Variants in SLC5A3 observed in about 807,000 individuals in gnomAD.
The protein encoded by SLC5A3 is sodium/myo-inositol cotransporter.
Under a neutral mutation model 43.2 loss-of-function variants are expected in SLC5A3, and 10 were observed. That is an observed-to-expected ratio of 0.23 (90% CI 0.14 to 0.39). The LOEUF is 0.39. Among genes scored for constraint, SLC5A3 ranks in the 10% least tolerant of loss-of-function variants. The pLI, the probability that SLC5A3 is intolerant of heterozygous loss-of-function variation, is 1.00. For synonymous variants in SLC5A3, 349 were observed against 322.0 expected, an observed-to-expected ratio of 1.08 and a Z score of -0.90; for missense variants, 608 against 893.4, an observed-to-expected ratio of 0.68 and a Z score of 4.07.
chr21:34,089,671 C>G (rs1978580378), intron 1 of SLC5A3, among the ~76,000 whole-genome samples: 1 of 152,012 alleles, frequency 6.6e-6, no homozygotes, highest in Admixed American at 6.6e-5. Flanking sequence ...CACTCCTGTC[C>G]CGGGAGAAAC....
In SLC5A3 at chr21:34,097,717, A is replaced by C; in HGVS notation, c.*362A>C. The C allele has an allele frequency of 9.9e-7, 1 of 1,011,074 alleles. No homozygotes were observed. 62.6% of individuals were successfully genotyped at this position (1,011,074 alleles called of 1,614,324 possible). A position where few individuals can be genotyped will look rare whatever the true frequency, so the allele number is the denominator to read the frequency against. On this transcript the variant is annotated 3_prime_UTR_variant, in exon 2 of 2. Transcript: ENST00000381151. ...CCAAGTCTTGGCAGACCTTACCCTGAAGTAGAAGATTTGCTCATTTCTAAA... is the reference window on the plus strand; with the variant it reads ...CCAAGTCTTGGCAGACCTTACCCTGCAGTAGAAGATTTGCTCATTTCTAAA...
At position 34,101,613 on chromosome 21, in the gene SLC5A3, C is replaced by T; in HGVS notation, c.*4258C>T. The T allele has an allele frequency of 1.0e-6, 1 of 1,000,144 alleles. No homozygotes were observed. The highest frequency in any genetic ancestry group is 1.2e-6 in the Non-Finnish European group (1 of 829,934). 62.0% of individuals were successfully genotyped at this position (1,000,144 alleles called of 1,614,324 possible). On this transcript the variant is annotated 3_prime_UTR_variant, in exon 2 of 2. Transcript: ENST00000381151. ...TCAGTTCTACACCTAGTCTTTTCAG[C>T]ACTTAGCAAATTCAAATTTTGATTT...
chr21:34,092,565 G>A lies in SLC5A3; in HGVS notation c.-336-2298G>A, dbSNP rs1480774025. ...GTTAGGGCTAGCATGAGAACTTCAT[G>A]CAGTTTGAGCATTCATCAGGCAGCA... is the stretch of plus-strand genomic sequence containing the variant. On this transcript the variant is annotated intron_variant, in intron 1 of 1. Coordinates refer to ENST00000381151, the MANE Select transcript of SLC5A3 (RefSeq NM_006933.7). Among the ~76,000 whole-genome samples, 3 of 152,196 alleles carry A rather than the reference G, an allele frequency of 2.0e-5. No individual in the cohort carries two copies. In the East Asian group the frequency reaches 5.8e-4, roughly 29 times the overall value.
chr21:34,095,354 T>G lies in SLC5A3; in HGVS notation c.156T>G (p.Gly52=). The G allele has an allele frequency of 6.2e-7, 1 of 1,614,136 alleles. No individual in the cohort carries two copies. The highest frequency in any genetic ancestry group is 8.5e-7 in the Non-Finnish European group (1 of 1,179,986). ...GCTCTATGACCTGGGTAGCAATTGGTGCCTCTCTGTTTGTGAGCAATATTG... is the reference window on the plus strand; with the variant it reads ...GCTCTATGACCTGGGTAGCAATTGGGGCCTCTCTGTTTGTGAGCAATATTG... ...AGRSMTWVAI[G]ASLFVSNIGS... Residue 52 remains glycine (G), a synonymous_variant, in exon 2 of 2, where the codon GGT becomes GGG. Coordinates refer to ENST00000381151, the MANE Select transcript of SLC5A3 (RefSeq NM_006933.7).
intron 1 of SLC5A3, among the ~76,000 whole-genome samples, chr21:34,083,963 C>G (rs1032104804): frequency 4.6e-5 from 7 of 152,288 alleles, no homozygotes; most frequent in African/African-American, 1.7e-4. Context: ...ATTTTTCTAT[C>G]CCTCTACTTG....
intron 1 of SLC5A3, among the ~76,000 whole-genome samples, chr21:34,078,534 T>A (rs1989386668): frequency 6.6e-6 from 1 of 152,170 alleles, no homozygotes; most frequent in South Asian, 2.1e-4. Flanking sequence ...TTCTAGATTT[T>A]AAAAATCTAG....
intron 1 of SLC5A3, among the ~76,000 whole-genome samples, chr21:34,080,008 A>G (rs1989423875): frequency 6.6e-6 from 1 of 152,262 alleles, no homozygotes; most frequent in South Asian, 2.1e-4. Context: ...TCTCAATGCC[A>G]TATAGTCTTC....
intron 1 of SLC5A3, among the ~76,000 whole-genome samples, chr21:34,077,283 T>C (rs1018548839): frequency 4.6e-5 from 7 of 152,234 alleles, no homozygotes; most frequent in African/African-American, 1.7e-4. Flanking sequence ...AATGAAACTT[T>C]GTAGACACTT....
In SLC5A3 at chr21:34,097,734, A is replaced by G; in HGVS notation, c.*379A>G. 9.9e-7 allele frequency: 1 copy of G among 1,006,720 alleles called. No homozygotes were observed. The highest frequency in any genetic ancestry group is 1.2e-6 in the Non-Finnish European group (1 of 834,534). 62.4% of individuals were successfully genotyped at this position (1,006,720 alleles called of 1,614,324 possible). Reference sequence around the variant, plus strand: ...TTACCCTGAAGTAGAAGATTTGCTCATTTCTAAATTTTTTTTTCTGTCTCT... The same window carrying G: ...TTACCCTGAAGTAGAAGATTTGCTCGTTTCTAAATTTTTTTTTCTGTCTCT... On this transcript the variant is annotated 3_prime_UTR_variant, in exon 2 of 2. Transcript: ENST00000381151.
rs1989241291 is a variant in SLC5A3 at position 34,073,619 on chromosome 21, G to T, written c.-463G>T. On this transcript the variant is annotated 5_prime_UTR_variant, in exon 1 of 2. Coordinates refer to ENST00000381151, the MANE Select transcript of SLC5A3 (RefSeq NM_006933.7). ...AGCCGTCCGGCGCAGCAGTTTCTAG[G>T]TCCCCACTGTCCCCGCCGTCCCGCC... The T allele has an allele frequency of 8.0e-7, 1 of 1,251,252 alleles. No individual in the cohort carries two copies. The highest frequency in any genetic ancestry group is 1.1e-6 in the Non-Finnish European group (1 of 900,984). 77.5% of individuals were successfully genotyped at this position (1,251,252 alleles called of 1,614,324 possible).
chr21:34,097,056 G>C lies in SLC5A3; in HGVS notation c.1858G>C (p.Gly620Arg). ...GGAGGGCAACCCAGTGGCATCCTTA[G>C]GTCATTCAGAGGCAGAAACACCAGT... ...REEGNPVASL[G>R]HSEAETPVDA... Residue 620 changes from glycine (G) to arginine (R), a missense_variant, in exon 2 of 2, where the codon GGT becomes CGT. Transcript: ENST00000381151. The C allele has an allele frequency of 6.2e-7, 1 of 1,614,090 alleles. No homozygotes were observed. The highest frequency in any genetic ancestry group is 8.5e-7 in the Non-Finnish European group (1 of 1,179,996).
chr21:34,101,163 T>C lies in SLC5A3; in HGVS notation c.*3808T>C. On this transcript the variant is annotated 3_prime_UTR_variant, in exon 2 of 2. Coordinates refer to ENST00000381151, the MANE Select transcript of SLC5A3 (RefSeq NM_006933.7). ...TGATTAAGTGAGATAAGTACCTGGG[T>C]GACACAGATATTAGCCCGTTGGTAA... The C allele has an allele frequency of 1.0e-6, 1 of 1,000,140 alleles. No homozygotes were observed. The highest frequency in any genetic ancestry group is 1.1e-4 in the East Asian group (1 of 8,816). The allele number at this position is 1,000,140 out of a possible 1,614,324, so 62.0% of individuals were successfully genotyped here.
chr21:34,074,514 C>T (rs776739975), intron 1 of SLC5A3, among the ~76,000 whole-genome samples: 2 of 152,188 alleles, frequency 1.3e-5, no homozygotes, highest in Non-Finnish European at 2.9e-5. Flanking sequence ...CTAAGCGAAC[C>T]AGCGGCCCCT....
intron 1 of SLC5A3, among the ~76,000 whole-genome samples, chr21:34,079,264 T>C (rs1169609454): frequency 6.6e-6 from 1 of 152,228 alleles, no homozygotes; most frequent in Non-Finnish European, 1.5e-5. Flanking sequence ...TAAGTAAAGT[T>C]ACATTGGAAC....
At position 34,104,332 on chromosome 21, in the gene SLC5A3, C is replaced by T. The variant is rs1979380773; in HGVS notation, c.*6977C>T. 6 of 998,746 alleles carry T rather than the reference C, an allele frequency of 6.0e-6. No homozygotes were observed. Among genetic ancestry groups the T allele is most frequent in the East Asian group, 1.1e-4 (1 of 8,818 alleles). 61.9% of individuals were successfully genotyped at this position (998,746 alleles called of 1,614,324 possible). The stretch of plus-strand genomic sequence containing the variant: ...CTGTTAATGTGTGTGTAGAAGAAAA[C>T]GTATGTTCTTCTACTCAGCATTGCC... On this transcript the variant is annotated 3_prime_UTR_variant, in exon 2 of 2. Transcript: ENST00000381151.
Position 34,102,680 on chromosome 21 carries a change from ATAAAG to A in SLC5A3, c.*5329_*5333del, listed in dbSNP as rs1183691892. 9 of 1,000,102 alleles carry A rather than the reference ATAAAG, an allele frequency of 9.0e-6. No homozygotes were observed. The South Asian group carries it at 2.3e-4, about 26-fold the overall frequency. The allele number at this position is 1,000,102 out of a possible 1,614,324, so 62.0% of individuals were successfully genotyped here. A position where few individuals can be genotyped will look rare whatever the true frequency, so the allele number is the denominator to read the frequency against. ...TTGCTTGAAGAGAAAGGATGCTAGA[ATAAAG>A]TAAGCAGCTGAAGAGCGAGCAAATC... On this transcript the variant is annotated 3_prime_UTR_variant, in exon 2 of 2. Coordinates refer to ENST00000381151, the MANE Select transcript of SLC5A3 (RefSeq NM_006933.7).
chr21:34,097,172 A>G lies in SLC5A3; in HGVS notation c.1974A>G (p.Ile658Met), dbSNP rs1314144638. Residue 658 changes from isoleucine to methionine, a missense_variant, in exon 2 of 2, where the codon ATA becomes ATG. Ile to Met is a conservative substitution (Grantham distance 10). Coordinates refer to ENST00000381151, the MANE Select transcript of SLC5A3 (RefSeq NM_006933.7). ...TDDGGRYWKF[I>M]DWFCGFKSKS... ...ATGGAGGTCGGTACTGGAAGTTCATAGACTGGTTTTGTGGCTTTAAAAGTA... is the reference window on the plus strand; with the variant it reads ...ATGGAGGTCGGTACTGGAAGTTCATGGACTGGTTTTGTGGCTTTAAAAGTA... 2.5e-6 allele frequency: 4 copies of G among 1,614,000 alleles called. No individual in the cohort carries two copies. The African/African-American group carries it at 4.0e-5, about 16-fold the overall frequency.
Position 34,073,719 on chromosome 21 carries a change from G to T in SLC5A3, c.-363G>T. The T allele has an allele frequency of 6.5e-7, 1 of 1,528,242 alleles. No individual in the cohort carries two copies. The highest frequency in any genetic ancestry group is 8.8e-7 in the Non-Finnish European group (1 of 1,131,784). 94.7% of individuals were successfully genotyped at this position (1,528,242 alleles called of 1,614,324 possible). A position where few individuals can be genotyped will look rare whatever the true frequency, so the allele number is the denominator to read the frequency against. ...TCCAGGCATGCCCCGCTACGAGCTG[G>T]CTTTAATCCTGAAAGCCATGCAGCG... On this transcript the variant is annotated 5_prime_UTR_variant, in exon 1 of 2. Coordinates refer to ENST00000381151, the MANE Select transcript of SLC5A3 (RefSeq NM_006933.7).
rs562841272 is a variant in SLC5A3, at chr21:34,073,595, G to A, written c.-487G>A. The A allele has an allele frequency of 5.3e-5, 53 of 991,692 alleles. 1 individual carries two copies. The East Asian group carries it at 8.8e-4, about 17-fold the overall frequency. 61.4% of individuals were successfully genotyped at this position (991,692 alleles called of 1,614,324 possible). ...CGGACCGTGCTTTCGCCGCCTGGGA[G>A]CCGTCCGGCGCAGCAGTTTCTAGGT... On this transcript the variant is annotated 5_prime_UTR_variant, in exon 1 of 2. Coordinates refer to ENST00000381151, the MANE Select transcript of SLC5A3 (RefSeq NM_006933.7).
Sources: allele counts gnomAD v4.1 joint callset (sites outside exome capture counted in the v4.1 genomes callset), GRCh38; gene constraint gnomAD v4.1.1; transcripts MANE v1.5; gene names NCBI Gene and HGNC (gene_info 2026-07-23, HGNC 2026-07-21).